Variants in KAT6B observed in about 807,000 individuals in gnomAD.
The protein encoded by KAT6B is lysine acetyltransferase 6B.
Under a neutral mutation model 187.5 loss-of-function variants are expected in KAT6B, and 10 were observed. The observed-to-expected ratio is 0.05, with a 90% confidence interval of 0.03 to 0.09. KAT6B has a LOEUF of 0.09. KAT6B is among the 10% of genes least tolerant of loss of function. The probability of loss-of-function intolerance (pLI) is 1.00; values close to 1 mark genes in which losing one functional copy is unlikely to be tolerated. For missense variants in KAT6B, 1,952 were observed against 2,558.9 expected, an observed-to-expected ratio of 0.76 and a Z score of 5.12; for synonymous variants, 861 against 926.8, an observed-to-expected ratio of 0.93 and a Z score of 1.29.
chr10:74,838,414 C>T (rs1344130282), intron 1 of KAT6B, among the ~76,000 whole-genome samples: 1 of 152,086 alleles, frequency 6.6e-6, no homozygotes, highest in Non-Finnish European at 1.5e-5. Flanking sequence ...TATCACAAAC[C>T]TGATTTTTAA....
intron 3 of KAT6B, among the ~76,000 whole-genome samples, chr10:74,948,515 A>G (rs1227993385): frequency 1.3e-5 from 2 of 152,218 alleles, no homozygotes; most frequent in African/African-American, 4.8e-5. Context: ...AATTACATTC[A>G]GTTGAGTTGC....
At chr10:74,981,294 T>TTGCTTCCTTCCTTC (rs1564603642) in intron 10 of KAT6B, among the ~76,000 whole-genome samples, 1 of 143,656 alleles carries the variant, frequency 7.0e-6, no homozygotes, top group East Asian at 2.1e-4. Flanking sequence ...TGGCTGGCTT[T>TTGCTTCCTTCCTTC]CTTTCTTTCT....
intron 1 of KAT6B, among the ~76,000 whole-genome samples, chr10:74,832,920 C>G (rs951823985): frequency 2.6e-5 from 4 of 151,426 alleles, no homozygotes; most frequent in African/African-American, 9.7e-5. Context: ...GTCAGGAGCT[C>G]GAGACCAGCC....
At position 74,842,601 on chromosome 10, in the gene KAT6B, T is replaced by C. The variant is rs958728761; in HGVS notation, c.-257T>C. 2.3e-5 allele frequency: 14 copies of C among 599,342 alleles called. No individual in the cohort carries two copies. The highest frequency in any genetic ancestry group is 4.1e-5 in the Non-Finnish European group (14 of 338,798). The allele number at this position is 599,342 out of a possible 1,614,324, so 37.1% of individuals were successfully genotyped here. On this transcript the variant is annotated splice_region_variant and 5_prime_UTR_variant, in exon 3 of 18. Transcript: ENST00000287239. ...TTTCCCCTCTTTTTATCCTTTAAGGTCTTGATTTCCCAGTTAAAGATGTTC... is the reference window on the plus strand; with the variant it reads ...TTTCCCCTCTTTTTATCCTTTAAGGCCTTGATTTCCCAGTTAAAGATGTTC...
At position 74,969,782 on chromosome 10, in the gene KAT6B, A is replaced by G. The variant is rs1400685365; in HGVS notation, c.846+7A>G. On this transcript the variant is annotated splice_region_variant and intron_variant, in intron 5 of 17. Coordinates refer to ENST00000287239, the MANE Select transcript of KAT6B (RefSeq NM_012330.4). ...AGTCCAAGGCAGAAATGCTGTAAGT[A>G]TGGCTCCCGTAATCCGCCTCCAGGT... The G allele has an allele frequency of 1.3e-6, 2 of 1,586,094 alleles. No homozygotes were observed. The highest frequency in any genetic ancestry group is 1.3e-5 in the African/African-American group (1 of 74,508).
At chr10:74,886,354 T>A (rs1025685618) in intron 3 of KAT6B, among the ~76,000 whole-genome samples, 4 of 152,286 alleles carry the variant, frequency 2.6e-5, no homozygotes, top group Non-Finnish European at 5.9e-5. Context: ...ATTGGGAAGC[T>A]GGAGGCAGGG....
intron 3 of KAT6B, among the ~76,000 whole-genome samples, chr10:74,928,064 C>T (rs1848626698): frequency 6.6e-6 from 1 of 152,136 alleles, no homozygotes; most frequent in Non-Finnish European, 1.5e-5. Flanking sequence ...AATCAGTCTA[C>T]AATGCAAAAC....
At chr10:75,019,772 T>C (rs1333973129) in intron 13 of KAT6B, among the ~76,000 whole-genome samples, 2 of 151,968 alleles carry the variant, frequency 1.3e-5, no homozygotes, top group Non-Finnish European at 2.9e-5. Context: ...TTCTTTTTTT[T>C]TTTTTTTTTC....
chr10:74,875,584 G>A (rs1349501738), intron 3 of KAT6B, among the ~76,000 whole-genome samples: 10 of 151,230 alleles, frequency 6.6e-5, no homozygotes, highest in Non-Finnish European at 2.9e-5. Context: ...TCCTGCCTCA[G>A]CCACCCAAGT....
chr10:74,980,201 T>G (rs1206715833), intron 10 of KAT6B, among the ~76,000 whole-genome samples: 1 of 152,004 alleles, frequency 6.6e-6, no homozygotes, highest in Non-Finnish European at 1.5e-5. Flanking sequence ...GTATCCAAGT[T>G]TTTGTTTGTC....
intron 10 of KAT6B, among the ~76,000 whole-genome samples, chr10:74,979,672 T>C (rs1205987123): frequency 1.3e-5 from 2 of 152,108 alleles, no homozygotes; most frequent in African/African-American, 4.8e-5. Flanking sequence ...GGTGAATTAT[T>C]GGGTAGACTT....
chr10:75,025,584 A>G lies in KAT6B; in HGVS notation c.3664+335A>G, dbSNP rs1232615836. On this transcript the variant is annotated intron_variant, in intron 17 of 17. Transcript: ENST00000287239. ...TCTAATATGTACTTTTTTTTTTCAC[A>G]TTTAGTTATTTCTGAAATCAAGGTA... 2.4e-5 allele frequency: 7 copies of G among 286,456 alleles called. No individual in the cohort carries two copies. The East Asian group carries it at 5.3e-4, about 22-fold the overall frequency. 17.7% of individuals were successfully genotyped at this position (286,456 alleles called of 1,614,324 possible).
chr10:74,879,116 T>C (rs1322385401), intron 3 of KAT6B, among the ~76,000 whole-genome samples: 1 of 152,176 alleles, frequency 6.6e-6, no homozygotes, highest in Non-Finnish European at 1.5e-5. Context: ...CCCAGTCTCT[T>C]TGGTTAGAAG....
chr10:74,837,224 A>G (rs1019193259), intron 1 of KAT6B, among the ~76,000 whole-genome samples: 3 of 152,256 alleles, frequency 2.0e-5, no homozygotes, highest in African/African-American at 7.2e-5. Context: ...ATATGTTTAG[A>G]ATATTTGTAA....
chr10:74,875,859 T>C (rs1844376579), intron 3 of KAT6B, among the ~76,000 whole-genome samples: 1 of 152,218 alleles, frequency 6.6e-6, no homozygotes, highest in Non-Finnish European at 1.5e-5. Context: ...TTTTTTACTG[T>C]ATGTACTGCT....
At chr10:74,878,176 G>A (rs1211000398) in intron 3 of KAT6B, among the ~76,000 whole-genome samples, 6 of 152,164 alleles carry the variant, frequency 3.9e-5, no homozygotes, top group Admixed American at 3.9e-4. Context: ...ATGCAACAGT[G>A]AGTGAGATAC....
At chr10:74,964,762 A>G (rs573533654) in intron 4 of KAT6B, among the ~76,000 whole-genome samples, 2 of 152,206 alleles carry the variant, frequency 1.3e-5, no homozygotes, top group Non-Finnish European at 2.9e-5. Flanking sequence ...AGGATTTCCT[A>G]TATTCAGCAA....
At chr10:74,976,559 T>A in intron 8 of KAT6B, 1 of 585,466 alleles carries the variant, frequency 1.7e-6, no homozygotes, top group South Asian at 2.0e-5. Context: ...TTATTATTTA[T>A]TTCCATTCGT....
Position 75,021,952 on chromosome 10 carries a change from C to T in KAT6B, c.3093C>T (p.Asn1031=), listed in dbSNP as rs752956660. The T allele has an allele frequency of 6.2e-7, 1 of 1,614,204 alleles. No individual in the cohort carries two copies. Among genetic ancestry groups the T allele is most frequent in the Non-Finnish European group, 8.5e-7 (1 of 1,180,024 alleles). The change falls in exon 16 of 18, where the codon AAC becomes AAT. Residue 1031 remains asparagine, a synonymous_variant. Transcript: ENST00000287239. ...EEQEILSTRA[N]SRQSPAKVQS... ...AAGAAATCCTGTCAACTAGAGCTAA[C>T]AGTAGGCAATCACCTGCAAAAGTAC...
Sources: allele counts gnomAD v4.1 joint callset (sites outside exome capture counted in the v4.1 genomes callset), GRCh38; gene constraint gnomAD v4.1.1; transcripts MANE v1.5; gene names NCBI Gene and HGNC (gene_info 2026-07-23, HGNC 2026-07-21).